The following ABTB3 variants were observed in gnomAD, a reference collection of about 807,000 sequenced individuals.
ABTB3 encodes ankyrin repeat- and BTB/POZ domain-containing protein 3.
chr12:107,648,626 T>C, the ABTB3 span, among the ~76,000 whole-genome samples: 3 of 152,086 alleles, frequency 2.0e-5, no homozygotes, highest in Non-Finnish European at 4.4e-5. Context: ...ATTGACATCG[T>C]TAGTGATACA....
At chr12:107,469,942 C>CTCTTTCTTTCTT in the ABTB3 span, among the ~76,000 whole-genome samples, 104 of 59,332 alleles carry the variant, frequency 1.8e-3, 2 homozygotes, top group Middle Eastern at 8.5e-3. Context: ...CTCTTTCTTT[C>CTCTTTCTTTCTT]TCTTTCTTTC....
At chr12:107,336,281 C>T in the ABTB3 span, among the ~76,000 whole-genome samples, 1 of 152,222 alleles carries the variant, frequency 6.6e-6, no homozygotes, top group Non-Finnish European at 1.5e-5. Context: ...CTGACGTGAG[C>T]AAATGATGAC....
the ABTB3 span, among the ~76,000 whole-genome samples, chr12:107,470,149 A>C: frequency 6.6e-5 from 10 of 151,054 alleles, no homozygotes; most frequent in African/African-American, 2.4e-4. Flanking sequence ...AGTGATTCTC[A>C]TGCCTCAGCC....
At chr12:107,594,839 A>C in the ABTB3 span, among the ~76,000 whole-genome samples, 1 of 152,174 alleles carries the variant, frequency 6.6e-6, no homozygotes, top group Non-Finnish European at 1.5e-5. Flanking sequence ...GATATATAAA[A>C]GATGATGCAA....
At chr12:107,514,448 C>T in the ABTB3 span, among the ~76,000 whole-genome samples, 1 of 152,184 alleles carries the variant, frequency 6.6e-6, no homozygotes, top group Admixed American at 6.5e-5. Flanking sequence ...CATTTGCTCT[C>T]CAGGGAAATT....
chr12:107,379,602 T>G, the ABTB3 span, among the ~76,000 whole-genome samples: 4 of 152,192 alleles, frequency 2.6e-5, no homozygotes, highest in African/African-American at 9.7e-5. Flanking sequence ...TATTTCTTCA[T>G]AGCAGTATGA....
the ABTB3 span, among the ~76,000 whole-genome samples, chr12:107,619,248 G>A: frequency 6.6e-6 from 1 of 152,178 alleles, no homozygotes; most frequent in African/African-American, 2.4e-5. Context: ...TGGGCTACTT[G>A]TTATAAACAG....
chr12:107,504,146 G>T, the ABTB3 span, among the ~76,000 whole-genome samples: 3 of 152,182 alleles, frequency 2.0e-5, no homozygotes, highest in Non-Finnish European at 2.9e-5. Flanking sequence ...ATTTTACTCT[G>T]TAATCAGCTC....
chr12:107,320,283 T>C, the ABTB3 span, among the ~76,000 whole-genome samples: 1 of 152,160 alleles, frequency 6.6e-6, no homozygotes, highest in East Asian at 1.9e-4. Flanking sequence ...GCTGGTGCTG[T>C]CCCAGGTCCG....
chr12:107,450,821 A>G, the ABTB3 span, among the ~76,000 whole-genome samples: 1 of 152,022 alleles, frequency 6.6e-6, no homozygotes, highest in East Asian at 1.9e-4. Context: ...GAGGGGAGGA[A>G]AAACACTTGT....
chr12:107,655,481 G>T, the ABTB3 span, among the ~76,000 whole-genome samples: 1 of 152,182 alleles, frequency 6.6e-6, no homozygotes, highest in Non-Finnish European at 1.5e-5. Flanking sequence ...CCCGCTAATG[G>T]TCACACACCA....
chr12:107,374,848 A>G, the ABTB3 span: 1 of 153,024 alleles, frequency 6.5e-6, no homozygotes, highest in Non-Finnish European at 1.5e-5. Flanking sequence ...TCAAAAAACC[A>G]TTTAGGAGTA....
chr12:107,657,609 A>G, the ABTB3 span: 1 of 1,614,246 alleles, frequency 6.2e-7, no homozygotes, highest in Non-Finnish European at 8.5e-7. Context: ...CTCCTGTATG[A>G]CAAAAATGGT....
the ABTB3 span, among the ~76,000 whole-genome samples, chr12:107,378,595 C>T: frequency 6.6e-6 from 1 of 152,256 alleles, no homozygotes; most frequent in East Asian, 1.9e-4. Flanking sequence ...TGGAGAAGCC[C>T]ACCAGTTCAT....
the ABTB3 span, among the ~76,000 whole-genome samples, chr12:107,424,574 C>A: frequency 6.6e-6 from 1 of 152,182 alleles, no homozygotes. Flanking sequence ...GCTTTGAATG[C>A]GTGGCTCCAT....
At chr12:107,401,490 G>C in the ABTB3 span, among the ~76,000 whole-genome samples, 1 of 152,282 alleles carries the variant, frequency 6.6e-6, no homozygotes, top group South Asian at 2.1e-4. Context: ...CATCACAGGG[G>C]GTCAGTCACT....
the ABTB3 span, among the ~76,000 whole-genome samples, chr12:107,527,618 T>G: frequency 6.6e-6 from 1 of 151,760 alleles, no homozygotes; most frequent in African/African-American, 2.4e-5. Context: ...CTCCAGTGCC[T>G]AAAACAATAT....
chr12:107,368,944 C>A, the ABTB3 span, among the ~76,000 whole-genome samples: 1 of 152,018 alleles, frequency 6.6e-6, no homozygotes, highest in Non-Finnish European at 1.5e-5. Flanking sequence ...CATTTCCTTT[C>A]TTTTCTCATT....
At chr12:107,467,388 G>A in the ABTB3 span, among the ~76,000 whole-genome samples, 2 of 152,126 alleles carry the variant, frequency 1.3e-5, no homozygotes, top group Non-Finnish European at 1.5e-5. Context: ...GGCATCCCTT[G>A]TCCCCCACAA....
Sources: allele counts gnomAD v4.1 joint callset (sites outside exome capture counted in the v4.1 genomes callset), GRCh38; gene constraint gnomAD v4.1.1; transcripts MANE v1.5; gene names NCBI Gene and HGNC (gene_info 2026-07-23, HGNC 2026-07-21).